The following MRPS5 variants were observed in gnomAD, a reference collection of about 807,000 sequenced individuals.
The protein encoded by MRPS5 is mitochondrial ribosomal protein S5, also known as small ribosomal subunit protein uS5m.
MRPS5 carries 27 observed loss-of-function variants against 51.9 expected under a neutral mutation model. That is an observed-to-expected ratio of 0.52 (90% CI 0.38 to 0.72). The LOEUF is 0.72. Among genes scored for constraint, MRPS5 ranks in the 30% least tolerant of loss-of-function variants. The probability of loss-of-function intolerance (pLI) is 0.00; values close to 1 mark genes in which losing one functional copy is unlikely to be tolerated. For synonymous variants in MRPS5, 196 were observed against 193.2 expected, an observed-to-expected ratio of 1.01 and a Z score of -0.12; for missense variants, 570 against 545.7, an observed-to-expected ratio of 1.04 and a Z score of -0.44.
intron 10 of MRPS5, chr2:95,091,897 G>A (rs1021033147): frequency 6.6e-6 from 1 of 152,220 alleles, no homozygotes; most frequent in African/African-American, 2.4e-5. Context: ...ATGTCTGGAT[G>A]AGCACTGGTG....
At position 95,096,499 on chromosome 2, in the gene MRPS5, C is replaced by T. The variant is rs182653639; in HGVS notation, c.931+3975G>A. On this transcript the variant is annotated intron_variant, in intron 10 of 11. Transcript: ENST00000272418. ...AAAAAGCTTATCCACCACGATCAAG[C>T]CAGCTTTATTCCTGGGATGCAAGGC... Among the ~76,000 whole-genome samples, 36 of 152,224 alleles carry T rather than the reference C, an allele frequency of 2.4e-4. No homozygotes were observed. The East Asian group carries it at 7.0e-3, about 29-fold the overall frequency.
At chr2:95,119,367 T>C (rs1285670414) in intron 1 of MRPS5, among the ~76,000 whole-genome samples, 1 of 152,182 alleles carries the variant, frequency 6.6e-6, no homozygotes, top group Non-Finnish European at 1.5e-5. Context: ...CTCAGCACTT[T>C]GGGAGACTAA....
chr2:95,108,191 G>T lies in MRPS5; in HGVS notation c.621C>A (p.Asp207Glu), dbSNP rs1458422355. ...SWGGISLGPP[D>E]PGPCGETYED... ...GTTTGCTACCTCCACAGGGACCAGG[G>T]TCAGGGGGGCCAAGACTGATGCCTC... The change falls in exon 5 of 12, where the codon GAC becomes GAA. Residue 207 changes from aspartate (D) to glutamate (E), a missense_variant. Transcript: ENST00000272418. 1 of 1,614,118 alleles carries T rather than the reference G, an allele frequency of 6.2e-7. No individual in the cohort carries two copies. Among genetic ancestry groups the T allele is most frequent in the East Asian group, 2.2e-5 (1 of 44,882 alleles).
At position 95,086,952 on chromosome 2, in the gene MRPS5, G is replaced by A. The variant is rs764603772; in HGVS notation, c.*405C>T. Among the ~76,000 whole-genome samples, 1 of 152,098 alleles carries A rather than the reference G, an allele frequency of 6.6e-6. No homozygotes were observed. Among genetic ancestry groups the A allele is most frequent in the Non-Finnish European group, 1.5e-5 (1 of 68,024 alleles). On this transcript the variant is annotated 3_prime_UTR_variant, in exon 12 of 12. Coordinates refer to ENST00000272418, the MANE Select transcript of MRPS5 (RefSeq NM_031902.5). Reference sequence around the variant, plus strand: ...GGAAAACGGTTTGGAAGTTCCTCACGGTAGTCAAGTTACTTAACTGCTCTG... The same window carrying A: ...GGAAAACGGTTTGGAAGTTCCTCACAGTAGTCAAGTTACTTAACTGCTCTG...
chr2:95,087,493 G>C lies in MRPS5; in HGVS notation c.1157C>G (p.Ser386Cys), dbSNP rs200747313. Residue 386 changes from serine to cysteine, a missense_variant, in exon 12 of 12, where the codon TCC becomes TGC. By Grantham distance (112) the Ser-to-Cys change is moderately radical. Coordinates refer to ENST00000272418, the MANE Select transcript of MRPS5 (RefSeq NM_031902.5). ...ECGPLPIVVA[S>C]PRGPLRKDPE... Reference sequence around the variant, plus strand: ...ATCCTTCCTCAAGGGCCCCCGGGGGGACGCAACCACAATGGGCAGAGGGCC... The same window carrying C: ...ATCCTTCCTCAAGGGCCCCCGGGGGCACGCAACCACAATGGGCAGAGGGCC... 1 of 1,614,130 alleles carries C rather than the reference G, an allele frequency of 6.2e-7. No individual in the cohort carries two copies. The highest frequency in any genetic ancestry group is 1.7e-5 in the Admixed American group (1 of 60,018).
rs1469436071 is a variant in MRPS5 at position 95,116,923 on chromosome 2, T to C, written c.139+942A>G. Among the ~76,000 whole-genome samples the C allele has an allele frequency of 2.6e-5, 4 of 152,072 alleles. No individual in the cohort carries two copies. In the East Asian group the frequency reaches 5.8e-4, roughly 22 times the overall value. ...TGGGAGGCCGATGAGGGCGGATCAC[T>C]TGAGGTCAGGAGTTCAAGACCAGCC... On this transcript the variant is annotated intron_variant, in intron 2 of 11. Coordinates refer to ENST00000272418, the MANE Select transcript of MRPS5 (RefSeq NM_031902.5).
intron 10 of MRPS5, among the ~76,000 whole-genome samples, chr2:95,097,655 G>GC (rs1183183663): frequency 2.6e-5 from 4 of 152,120 alleles, no homozygotes; most frequent in Non-Finnish European, 5.9e-5. Flanking sequence ...TATGTAGAAA[G>GC]TGAAACTGGA....
chr2:95,116,200 G>T (rs2104428967), intron 2 of MRPS5, among the ~76,000 whole-genome samples: 1 of 151,534 alleles, frequency 6.6e-6, no homozygotes, highest in South Asian at 2.1e-4. Flanking sequence ...CATCGCGCCT[G>T]GCCAGCTCTT....
Position 95,085,646 on chromosome 2 carries a change from CAG to C in MRPS5, c.*1709_*1710del, listed in dbSNP as rs1170850101. Among the ~76,000 whole-genome samples, 1 of 152,142 alleles carries C rather than the reference CAG, an allele frequency of 6.6e-6. No homozygotes were observed. The highest frequency in any genetic ancestry group is 1.5e-5 in the Non-Finnish European group (1 of 68,022). ...CCTACTTCCAGCAGAAAGGCCTCAG[CAG>C]AGGTCCCGAGGACAGCGACAGGAGG... is the stretch of plus-strand genomic sequence containing the variant. On this transcript the variant is annotated 3_prime_UTR_variant, in exon 12 of 12. Coordinates refer to ENST00000272418, the MANE Select transcript of MRPS5 (RefSeq NM_031902.5).
chr2:95,117,831 T>C, intron 2 of MRPS5, 34 bp downstream of exon 2: 1 of 1,509,604 alleles, frequency 6.6e-7, no homozygotes, highest in East Asian at 2.3e-5. Flanking sequence ...CATTAGATCT[T>C]ATGAGAAAAG....
At chr2:95,118,219 T>C (rs1676346279) in intron 1 of MRPS5, among the ~76,000 whole-genome samples, 1 of 152,202 alleles carries the variant, frequency 6.6e-6, no homozygotes, top group Non-Finnish European at 1.5e-5. Flanking sequence ...GCCCCTTCTT[T>C]GCTCAAGCCT....
At chr2:95,098,156 G>T (rs1037004893) in intron 10 of MRPS5, among the ~76,000 whole-genome samples, 3 of 152,178 alleles carry the variant, frequency 2.0e-5, no homozygotes, top group African/African-American at 7.2e-5. Flanking sequence ...TCTCACACCA[G>T]TTAGAATGGC....
intron 3 of MRPS5, among the ~76,000 whole-genome samples, chr2:95,113,869 C>T (rs924155460): frequency 6.6e-6 from 1 of 151,884 alleles, no homozygotes; most frequent in African/African-American, 2.4e-5. Flanking sequence ...CGCCTGTAAT[C>T]CCAGCACTTT....
At chr2:95,098,403 C>T (rs1458305108) in intron 10 of MRPS5, among the ~76,000 whole-genome samples, 6 of 152,222 alleles carry the variant, frequency 3.9e-5, no homozygotes, top group East Asian at 1.9e-4. Context: ...ATGTTTATTG[C>T]GGCACTATTC....
At chr2:95,118,259 T>C (rs1573354629) in intron 1 of MRPS5, among the ~76,000 whole-genome samples, 1 of 152,212 alleles carries the variant, frequency 6.6e-6, no homozygotes, top group African/African-American at 2.4e-5. Flanking sequence ...AGTAACAAGT[T>C]TCCTAGCAGG....
Position 95,086,111 on chromosome 2 carries a change from G to T in MRPS5, c.*1246C>A, listed in dbSNP as rs1179118823. ...TTACTTTTACTTTTTGTAGAGATGA[G>T]GTCTCACTTTGTTGCCTAGGCTGAT... On this transcript the variant is annotated 3_prime_UTR_variant, in exon 12 of 12. Transcript: ENST00000272418. Among the ~76,000 whole-genome samples the T allele has an allele frequency of 6.6e-6, 1 of 152,024 alleles. No individual in the cohort carries two copies. Among genetic ancestry groups the T allele is most frequent in the African/African-American group, 2.4e-5 (1 of 41,408 alleles).
rs534422896 is a variant in MRPS5, at chr2:95,115,028, G to A, written c.277+38C>T. The stretch of plus-strand genomic sequence containing the variant: ...TTCAGATATAAGAAATCCTTTTCCT[G>A]TTTCAAGAAACAGGAAGTTTGTGGC... On this transcript the variant is annotated intron_variant, in intron 3 of 11. Transcript: ENST00000272418. The A allele has an allele frequency of 2.0e-6, 3 of 1,465,872 alleles. No homozygotes were observed. In the East Asian group the frequency reaches 7.4e-5, roughly 36 times the overall value. The allele number at this position is 1,465,872 out of a possible 1,614,324, so 90.8% of individuals were successfully genotyped here.
chr2:95,087,394 C>A lies in MRPS5; in HGVS notation c.1256G>T (p.Arg419Leu), dbSNP rs139415735. ...TCTCTTCAAATTAGACCACACAGAG[C>A]GCTTCATTCCCTGTGCAGTCTTCAC... is the stretch of plus-strand genomic sequence containing the variant. Reference protein sequence around the residue: ...EDVKTAQGMKRSVWSNLKRAA... With the variant: ...EDVKTAQGMKLSVWSNLKRAA... The change falls in exon 12 of 12, where the codon CGC becomes CTC. Residue 419 changes from arginine (R) to leucine (L), a missense_variant. By Grantham distance (102) the Arg-to-Leu change is moderately radical (BLOSUM62 -2). Transcript: ENST00000272418. The A allele has an allele frequency of 6.2e-7, 1 of 1,614,136 alleles. No homozygotes were observed. Among genetic ancestry groups the A allele is most frequent in the Admixed American group, 1.7e-5 (1 of 60,024 alleles).
At chr2:95,118,186 G>A (rs1438962634) in intron 1 of MRPS5, among the ~76,000 whole-genome samples, 2 of 152,148 alleles carry the variant, frequency 1.3e-5, no homozygotes, top group Admixed American at 1.3e-4. Flanking sequence ...CCTGCCAGCT[G>A]TACCTTTTCC....
Sources: allele counts gnomAD v4.1 joint callset (sites outside exome capture counted in the v4.1 genomes callset), GRCh38; gene constraint gnomAD v4.1.1; transcripts MANE v1.5; gene names NCBI Gene and HGNC (gene_info 2026-07-23, HGNC 2026-07-21).